The following CTNNA2 variants were observed in gnomAD, a reference collection of about 807,000 sequenced individuals.
The protein encoded by CTNNA2 is catenin alpha-2.
Under a neutral mutation model 101.0 loss-of-function variants are expected in CTNNA2, and 42 were observed. That is an observed-to-expected ratio of 0.42 (90% CI 0.32 to 0.54). The LOEUF is 0.54. Among genes scored for constraint, CTNNA2 ranks in the 20% least tolerant of loss-of-function variants. The pLI is 0.14. For missense variants in CTNNA2, 871 were observed against 1,223.1 expected, an observed-to-expected ratio of 0.71 and a Z score of 4.29; for synonymous variants, 450 against 456.4, an observed-to-expected ratio of 0.99 and a Z score of 0.18.
intron 7 of CTNNA2, among the ~76,000 whole-genome samples, chr2:80,321,831 A>G (rs943969974): frequency 2.0e-5 from 3 of 152,180 alleles, no homozygotes; most frequent in African/African-American, 7.2e-5. Context: ...TTTAATCAAT[A>G]CCTTATTTCT....
At chr2:79,890,299 C>A (rs1684209703) in intron 6 of CTNNA2, among the ~76,000 whole-genome samples, 1 of 152,154 alleles carries the variant, frequency 6.6e-6, no homozygotes, top group Non-Finnish European at 1.5e-5. Flanking sequence ...GTATTTTAAA[C>A]ATGTTCTGTC....
intron 3 of CTNNA2, among the ~76,000 whole-genome samples, chr2:79,318,421 C>T (rs1676546612): frequency 6.6e-6 from 1 of 152,142 alleles, no homozygotes; most frequent in South Asian, 2.1e-4. Context: ...TCCAGGGTGG[C>T]TATTACTCCA....
chr2:80,077,275 T>A (rs1423378734), intron 7 of CTNNA2, among the ~76,000 whole-genome samples: 1 of 152,150 alleles, frequency 6.6e-6, no homozygotes, highest in Admixed American at 6.5e-5. Context: ...AATAACACTT[T>A]AAGAAAGTAA....
intron 5 of CTNNA2, among the ~76,000 whole-genome samples, chr2:79,507,123 G>A (rs1671430126): frequency 1.3e-5 from 2 of 152,074 alleles, no homozygotes; most frequent in South Asian, 2.1e-4. Context: ...GTGATTATGG[G>A]AAAGAAAAAC....
intron 7 of CTNNA2, among the ~76,000 whole-genome samples, chr2:80,029,076 T>C (rs2104174773): frequency 6.6e-6 from 1 of 152,358 alleles, no homozygotes; most frequent in African/African-American, 2.4e-5. Flanking sequence ...CAAACAATTG[T>C]TGTTAATGGA....
At position 80,076,592 on chromosome 2, in the gene CTNNA2, T is replaced by C. The variant is rs906524856; in HGVS notation, c.1056+166795T>C. On this transcript the variant is annotated intron_variant, in intron 7 of 18. Coordinates refer to ENST00000402739, the MANE Select transcript of CTNNA2 (RefSeq NM_001282597.3). ...GCCACTGCACTTGGCTTTTTTTTTT[T>C]CCTTAATCATGCTCTTTGTGGAGTT... Among the ~76,000 whole-genome samples the C allele has an allele frequency of 6.6e-5, 10 of 152,144 alleles. No individual in the cohort carries two copies. In the South Asian group the frequency reaches 1.7e-3, roughly 25 times the overall value.
chr2:80,525,941 A>G (rs1262289891), intron 9 of CTNNA2, among the ~76,000 whole-genome samples: 1 of 152,160 alleles, frequency 6.6e-6, no homozygotes. Context: ...GTTCAAAAGT[A>G]ATTTCATTTT....
intron 7 of CTNNA2, among the ~76,000 whole-genome samples, chr2:80,178,118 G>A (rs1465892204): frequency 6.6e-6 from 1 of 152,218 alleles, no homozygotes; most frequent in African/African-American, 2.4e-5. Context: ...GCAGGCTGGG[G>A]GAGAGAAGAC....
Position 80,569,633 on chromosome 2 carries a change from G to GTTTTTTT in CTNNA2, c.1742-4509_1742-4503dup, listed in dbSNP as rs70940088. On this transcript the variant is annotated intron_variant, in intron 12 of 18. Coordinates refer to ENST00000402739, the MANE Select transcript of CTNNA2 (RefSeq NM_001282597.3). The stretch of plus-strand genomic sequence containing the variant: ...TCAGTATTACTTTTGGGGTATTTAG[G>GTTTTTTT]TTTTTTTTTTTTTTTTTTTTTTTTT... Among the ~76,000 whole-genome samples the GTTTTTTT allele has an allele frequency of 2.8e-3, 144 of 51,720 alleles. 29 individuals are homozygous for GTTTTTTT. The highest frequency in any genetic ancestry group is 4.3e-3 in the Non-Finnish European group (111 of 25,566). The allele number at this position is 51,720 out of a possible 152,430, so 33.9% of individuals were successfully genotyped here. A position where few individuals can be genotyped will look rare whatever the true frequency, so the allele number is the denominator to read the frequency against.
chr2:80,107,313 G>C (rs1700947436), intron 7 of CTNNA2, among the ~76,000 whole-genome samples: 1 of 152,154 alleles, frequency 6.6e-6, no homozygotes, highest in Non-Finnish European at 1.5e-5. Flanking sequence ...CGTAGACTCA[G>C]TCAGTAGAGA....
chr2:80,162,698 C>G, intron 7 of CTNNA2: 2 of 1,612,758 alleles, frequency 1.2e-6, no homozygotes, highest in Non-Finnish European at 1.7e-6. Flanking sequence ...AGCTTGAAGA[C>G]TGATTAAAAC....
intron 7 of CTNNA2, among the ~76,000 whole-genome samples, chr2:80,068,416 G>A (rs1698116883): frequency 6.6e-6 from 1 of 152,188 alleles, no homozygotes; most frequent in Non-Finnish European, 1.5e-5. Flanking sequence ...CATGCAAATT[G>A]CTGAAAATGG....
chr2:79,545,102 G>C (rs1450575450), intron 1 of CTNNA2, among the ~76,000 whole-genome samples: 1 of 152,154 alleles, frequency 6.6e-6, no homozygotes, highest in African/African-American at 2.4e-5. Flanking sequence ...AGAGACAGTT[G>C]TCAGCCCCCT....
At chr2:79,859,447 C>A (rs17018031) in intron 4 of CTNNA2, among the ~76,000 whole-genome samples, 1,991 of 152,112 alleles carry the variant, frequency 0.013, 39 homozygotes, top group African/African-American at 0.043. Context: ...AATAAAGTAG[C>A]CAAGATTTCC....
intron 4 of CTNNA2, among the ~76,000 whole-genome samples, chr2:79,860,824 T>C (rs1459164444): frequency 6.6e-6 from 1 of 152,100 alleles, no homozygotes; most frequent in Non-Finnish European, 1.5e-5. Context: ...ACGTCAATAA[T>C]TCATTGCAAA....
At chr2:80,142,315 G>A (rs2862019) in intron 7 of CTNNA2, among the ~76,000 whole-genome samples, 53,848 of 151,988 alleles carry the variant, frequency 0.35, 11,886 homozygotes, top group Non-Finnish European at 0.5. Flanking sequence ...ACCTCTTCTT[G>A]CTTGGTGCCT....
chr2:80,603,384 A>C (rs778533544), intron 15 of CTNNA2, among the ~76,000 whole-genome samples: 2 of 152,078 alleles, frequency 1.3e-5, no homozygotes, highest in Non-Finnish European at 2.9e-5. Context: ...GAAGCACAAA[A>C]ACATTTACTG....
intron 7 of CTNNA2, among the ~76,000 whole-genome samples, chr2:80,083,091 G>A (rs1206366126): frequency 6.6e-6 from 1 of 152,002 alleles, no homozygotes; most frequent in African/African-American, 2.4e-5. Context: ...TCTCATGTGG[G>A]AAATACCCCT....
At chr2:79,657,267 G>A (rs554972860) in intron 2 of CTNNA2, among the ~76,000 whole-genome samples, 15 of 151,888 alleles carry the variant, frequency 9.9e-5, no homozygotes, top group South Asian at 4.1e-4. Flanking sequence ...AGTAAATCCC[G>A]AAACAAGAAA....
Sources: gnomAD v4.1 joint callset for allele counts (sites outside exome capture counted in the v4.1 genomes callset) on GRCh38, gnomAD v4.1.1 for gene constraint, MANE v1.5 for transcripts, NCBI Gene and HGNC (gene_info 2026-07-23, HGNC 2026-07-21) for gene names.